AGMO: variants seen among roughly 807,000 people sequenced by gnomAD.
AGMO encodes alkylglycerol monooxygenase.
A neutral mutation model predicts 60.2 loss-of-function variants in AGMO; 75 were observed. The observed-to-expected ratio is 1.25, with a 90% CI of 1.03 to 1.51. AGMO has a LOEUF of 1.51. Among genes scored for constraint, AGMO ranks in the 40% most tolerant of loss-of-function variants. The probability of loss-of-function intolerance (pLI) is 0.00; values close to 1 mark genes in which losing one functional copy is unlikely to be tolerated. For missense variants in AGMO, 763 were observed against 525.5 expected (o/e 1.45, Z -4.42); for synonymous variants, 261 against 177.1 (o/e 1.47, Z -3.76).
chr7:15,209,620 G>A (rs1180787999), intron 12 of AGMO, among the ~76,000 whole-genome samples: 2 of 152,186 alleles, frequency 1.3e-5, no homozygotes, highest in African/African-American at 4.8e-5. Flanking sequence ...ATTTCTCTCA[G>A]TGTTCTGCCA....
intron 3 of AGMO, among the ~76,000 whole-genome samples, chr7:15,473,463 C>T (rs979430395): frequency 2.6e-5 from 4 of 151,870 alleles, no homozygotes; most frequent in African/African-American, 9.7e-5. Context: ...AATTTCAGGC[C>T]AATATCCCTG....
chr7:15,488,855 T>C (rs1782992034), intron 3 of AGMO, among the ~76,000 whole-genome samples: 1 of 152,176 alleles, frequency 6.6e-6, no homozygotes, highest in South Asian at 2.1e-4. Flanking sequence ...AATATAATTT[T>C]TACCAACTAT....
At chr7:15,254,041 T>C (rs1236836583) in intron 12 of AGMO, among the ~76,000 whole-genome samples, 2 of 152,176 alleles carry the variant, frequency 1.3e-5, no homozygotes, top group East Asian at 3.8e-4. Context: ...GCAAATATGA[T>C]AGAATTTTAT....
intron 10 of AGMO, among the ~76,000 whole-genome samples, chr7:15,371,365 C>G (rs1234046338): frequency 6.6e-6 from 1 of 151,700 alleles, no homozygotes; most frequent in African/African-American, 2.4e-5. Context: ...GGACTACAGG[C>G]ACATGCTACC....
At chr7:15,365,075 CTT>C (rs1353198025) in intron 12 of AGMO, among the ~76,000 whole-genome samples, 4 of 152,008 alleles carry the variant, frequency 2.6e-5, no homozygotes, top group Middle Eastern at 6.8e-3. Context: ...ACTTCAGTGA[CTT>C]TATTTCTGTA....
At chr7:15,368,261 C>T (rs1003186653) in intron 10 of AGMO, among the ~76,000 whole-genome samples, 1 of 145,326 alleles carries the variant, frequency 6.9e-6, no homozygotes, top group Non-Finnish European at 1.5e-5. Flanking sequence ...CGGCGATGTC[C>T]ACTTAGGAAG....
intron 12 of AGMO, among the ~76,000 whole-genome samples, chr7:15,218,201 G>A (rs73277618): frequency 0.033 from 5,012 of 152,154 alleles, 294 homozygotes; most frequent in African/African-American, 0.11. Context: ...ATGTAACAGT[G>A]TGAAATTATT....
chr7:15,438,833 G>A (rs115063873), intron 3 of AGMO, among the ~76,000 whole-genome samples: 1,614 of 152,252 alleles, frequency 0.011, 27 homozygotes, highest in African/African-American at 0.037. Flanking sequence ...ATTTGCTATT[G>A]CTCAGTGAAC....
chr7:15,259,000 T>C lies in AGMO; in HGVS notation c.1264-57641A>G, dbSNP rs185144570. Reference sequence around the variant, plus strand: ...ATTCTGGTAATATGACAAAAGAAGGTTGTTTCACACCCCCAAAAGATCATC... The same window carrying C: ...ATTCTGGTAATATGACAAAAGAAGGCTGTTTCACACCCCCAAAAGATCATC... On this transcript the variant is annotated intron_variant, in intron 12 of 12. Coordinates refer to ENST00000342526, the MANE Select transcript of AGMO (RefSeq NM_001004320.2). 5.3e-3 allele frequency among the ~76,000 whole-genome samples: 813 copies of C among 152,112 alleles called. 3 individuals carry two copies. The highest frequency in any genetic ancestry group is 0.018 in the African/African-American group (756 of 41,504).
At chr7:15,338,839 C>G (rs1374489566) in intron 12 of AGMO, among the ~76,000 whole-genome samples, 1 of 152,048 alleles carries the variant, frequency 6.6e-6, no homozygotes, top group Non-Finnish European at 1.5e-5. Flanking sequence ...CTTCACTCAT[C>G]AAAATAAAAA....
the AGMO span, among the ~76,000 whole-genome samples, chr7:15,130,997 T>C: frequency 6.6e-6 from 1 of 152,264 alleles, no homozygotes; most frequent in South Asian, 2.1e-4. Context: ...CAAAAACTTT[T>C]GAGCTTCTAA....
intron 3 of AGMO, among the ~76,000 whole-genome samples, chr7:15,454,211 AACTT>A (rs1447358912): frequency 1.3e-5 from 2 of 152,058 alleles, no homozygotes; most frequent in Non-Finnish European, 2.9e-5. Context: ...AACACACACT[AACTT>A]AAGTTCCAGA....
chr7:15,145,043 T>C, the AGMO span, among the ~76,000 whole-genome samples: 1 of 152,178 alleles, frequency 6.6e-6, no homozygotes. Flanking sequence ...TTAGCCAGGA[T>C]GGGCTCGATT....
At chr7:15,465,790 T>C (rs1782268163) in intron 3 of AGMO, among the ~76,000 whole-genome samples, 1 of 151,950 alleles carries the variant, frequency 6.6e-6, no homozygotes. Context: ...ATTGTTTATC[T>C]GTATTTACTT....
chr7:15,515,106 G>T (rs1783775359), intron 3 of AGMO, among the ~76,000 whole-genome samples: 1 of 152,220 alleles, frequency 6.6e-6, no homozygotes, highest in Non-Finnish European at 1.5e-5. Flanking sequence ...TCCATTGGGT[G>T]AATTTACAGA....
downstream of AGMO, among the ~76,000 whole-genome samples, chr7:15,196,273 T>G (rs1781113065): frequency 6.6e-6 from 1 of 152,094 alleles, no homozygotes; most frequent in African/African-American, 2.4e-5. Flanking sequence ...GGTCTCGAAC[T>G]CCTGACCTCA....
In AGMO at chr7:15,376,088, G is replaced by C. The variant is rs530885057; in HGVS notation, c.1074+9358C>G. Among the ~76,000 whole-genome samples, 17 of 152,154 alleles carry C rather than the reference G, an allele frequency of 1.1e-4. No homozygotes were observed. The East Asian group carries it at 3.3e-3, about 29-fold the overall frequency. ...ACATTTCTGTAGTCTATGCTTACTT[G>C]AAAGGTAGCTTTTGTTAATAGTCTT... On this transcript the variant is annotated intron_variant, in intron 10 of 12. Coordinates refer to ENST00000342526, the MANE Select transcript of AGMO (RefSeq NM_001004320.2).
At chr7:15,279,961 C>T (rs1783914989) in intron 12 of AGMO, among the ~76,000 whole-genome samples, 1 of 152,194 alleles carries the variant, frequency 6.6e-6, no homozygotes, top group Admixed American at 6.5e-5. Flanking sequence ...TCACAGGGGC[C>T]TTGAAGAAGT....
chr7:15,380,370 T>C (rs1783628891), intron 10 of AGMO, among the ~76,000 whole-genome samples: 1 of 151,958 alleles, frequency 6.6e-6, no homozygotes. Context: ...CCAATGACAG[T>C]CAAACTGAGA....
Sources: allele counts gnomAD v4.1 joint callset (sites outside exome capture counted in the v4.1 genomes callset), GRCh38; gene constraint gnomAD v4.1.1; transcripts MANE v1.5; gene names NCBI Gene and HGNC (gene_info 2026-07-23, HGNC 2026-07-21).